The following FGF12 variants were observed in gnomAD, a reference collection of about 807,000 sequenced individuals.
The protein encoded by FGF12 is fibroblast growth factor 12, also known as fibroblast growth factor 12B.
In FGF12, 14 loss-of-function variants were observed where a neutral mutation model predicts 23.6. The observed-to-expected ratio is 0.59, with a 90% CI of 0.39 to 0.93. The LOEUF is 0.93. Among genes scored for constraint, FGF12 ranks in the 40% least tolerant of loss-of-function variants. The probability of loss-of-function intolerance (pLI) is 0.00; values close to 1 mark genes in which losing one functional copy is unlikely to be tolerated. For synonymous variants in FGF12, 62 were observed against 77.3 expected (o/e 0.80, Z 1.04); for missense variants, 175 against 217.8 (o/e 0.80, Z 1.24).
At chr3:192,429,793 GA>G (rs34269435) in intron 2 of FGF12, among the ~76,000 whole-genome samples, 1 of 151,576 alleles carries the variant, frequency 6.6e-6, no homozygotes, top group Non-Finnish European at 1.5e-5. Flanking sequence ...CGCCATTCTG[GA>G]AAAAAAATGC....
intron 4 of FGF12, among the ~76,000 whole-genome samples, chr3:192,187,534 T>C (rs1308391515): frequency 2.0e-5 from 3 of 152,200 alleles, no homozygotes; most frequent in Non-Finnish European, 4.4e-5. Context: ...AACACTTAAA[T>C]CCTGTCCATG....
At chr3:192,293,477 T>C (rs1714872257) in intron 4 of FGF12, among the ~76,000 whole-genome samples, 1 of 152,184 alleles carries the variant, frequency 6.6e-6, no homozygotes, top group South Asian at 2.1e-4. Flanking sequence ...CAAGGCTAAT[T>C]TGATTTAGGG....
At chr3:192,414,519 A>T (rs1721285928) in intron 2 of FGF12, among the ~76,000 whole-genome samples, 1 of 152,210 alleles carries the variant, frequency 6.6e-6, no homozygotes, top group Non-Finnish European at 1.5e-5. Context: ...ACATACATTT[A>T]TGTAACTCTT....
chr3:192,674,164 T>C (rs1717236892), intron 2 of FGF12, among the ~76,000 whole-genome samples: 1 of 137,408 alleles, frequency 7.3e-6, no homozygotes, highest in South Asian at 2.2e-4. Flanking sequence ...GGGGTAGTTA[T>C]TAACCTTGTG....
chr3:192,427,916 AT>A (rs540091009), intron 2 of FGF12, among the ~76,000 whole-genome samples: 335 of 152,298 alleles, frequency 2.2e-3, no homozygotes, highest in Non-Finnish European at 3.9e-3. Context: ...ATCCCTCTTG[AT>A]TTTGTGTTTG....
intron 2 of FGF12, among the ~76,000 whole-genome samples, chr3:192,362,204 A>G (rs1378985078): frequency 6.6e-6 from 1 of 152,100 alleles, no homozygotes; most frequent in East Asian, 1.9e-4. Context: ...TCAGGGACAC[A>G]CTTGGCTAGC....
intron 2 of FGF12, among the ~76,000 whole-genome samples, chr3:192,505,061 G>A (rs887379393): frequency 1.3e-5 from 2 of 152,046 alleles, no homozygotes; most frequent in African/African-American, 4.8e-5. Context: ...TGAGTAGACT[G>A]GTACGTATGG....
intron 2 of FGF12, among the ~76,000 whole-genome samples, chr3:192,670,937 C>T (rs763633227): frequency 1.6e-4 from 25 of 152,198 alleles, no homozygotes; most frequent in Middle Eastern, 6.8e-3. Context: ...AATGGGAGAG[C>T]GATCTGGGCT....
At chr3:192,233,028 C>CT (rs2108586492) in intron 4 of FGF12, among the ~76,000 whole-genome samples, 1 of 152,178 alleles carries the variant, frequency 6.6e-6, no homozygotes, top group East Asian at 1.9e-4. Flanking sequence ...CTATGTGTAT[C>CT]TTTTTGGTAG....
intron 2 of FGF12, among the ~76,000 whole-genome samples, chr3:192,690,212 A>G (rs1030368420): frequency 6.6e-5 from 10 of 152,018 alleles, no homozygotes. Context: ...AACATATGAA[A>G]GCATAAAACT....
intron 4 of FGF12, among the ~76,000 whole-genome samples, chr3:192,253,939 T>C (rs951476682): frequency 6.6e-6 from 1 of 152,120 alleles, no homozygotes; most frequent in Non-Finnish European, 1.5e-5. Flanking sequence ...ATATTTATCA[T>C]GTACAAGATG....
intron 4 of FGF12, among the ~76,000 whole-genome samples, chr3:192,183,256 G>T (rs1330964207): frequency 6.6e-6 from 1 of 152,000 alleles, no homozygotes; most frequent in Non-Finnish European, 1.5e-5. Context: ...AGTAGGCTGA[G>T]ATCTGACATC....
chr3:192,605,563 C>A lies in FGF12; in HGVS notation c.13+121618G>T, dbSNP rs181133308. Among the ~76,000 whole-genome samples the A allele has an allele frequency of 1.9e-3, 290 of 152,188 alleles. 1 individual carries two copies. Among genetic ancestry groups the A allele is most frequent in the South Asian group, 6.6e-3 (32 of 4,820 alleles). ...AACAACAGAGTAAACAGACAACCTA[C>A]AGAAAGGGAGAAAATATTCACAACT... On this transcript the variant is annotated intron_variant, in intron 2 of 5. Transcript: ENST00000445105.
At chr3:192,269,072 G>A (rs748376772) in intron 4 of FGF12, among the ~76,000 whole-genome samples, 9 of 151,782 alleles carry the variant, frequency 5.9e-5, no homozygotes, top group South Asian at 4.2e-4. Flanking sequence ...GTGCCACCAC[G>A]CCTGGCTAAT....
Position 192,589,613 on chromosome 3 carries a change from T to C in FGF12, c.13+137568A>G, listed in dbSNP as rs558162710. Among the ~76,000 whole-genome samples the C allele has an allele frequency of 4.6e-5, 7 of 151,948 alleles. No individual in the cohort carries two copies. In the East Asian group the frequency reaches 1.2e-3, roughly 25 times the overall value. On this transcript the variant is annotated intron_variant, in intron 2 of 5. Coordinates refer to ENST00000445105, the MANE Select transcript of FGF12 (RefSeq NM_004113.6). ...GATGTCTGATATAGAACACCCATTA[T>C]GTAAGTCACACTGAAACCCTATAGG...
At chr3:192,233,470 G>T (rs1338095852) in intron 4 of FGF12, among the ~76,000 whole-genome samples, 1 of 152,052 alleles carries the variant, frequency 6.6e-6, no homozygotes, top group African/African-American at 2.4e-5. Flanking sequence ...TGGATGCATA[G>T]TTTGCAATTT....
At chr3:192,149,461 C>G (rs1346351665) in intron 5 of FGF12, among the ~76,000 whole-genome samples, 1 of 113,912 alleles carries the variant, frequency 8.8e-6, no homozygotes, top group Non-Finnish European at 1.8e-5. Flanking sequence ...CTATCCCTCC[C>G]CCCTCCCCCC....
At chr3:192,655,858 G>T (rs919245893) in intron 2 of FGF12, among the ~76,000 whole-genome samples, 1 of 152,122 alleles carries the variant, frequency 6.6e-6, no homozygotes, top group African/African-American at 2.4e-5. Flanking sequence ...ATGCAATAGA[G>T]ATGGGGGAAT....
At position 192,179,660 on chromosome 3, in the gene FGF12, C is replaced by T. The variant is rs182697868; in HGVS notation, c.229-9004G>A. ...TCCCGGGTTCAAGTGATTCTCATGC[C>T]TCAGCCTCCCAAGTTGCTTGGATTA... On this transcript the variant is annotated intron_variant, in intron 4 of 5. Coordinates refer to ENST00000445105, the MANE Select transcript of FGF12 (RefSeq NM_004113.6). 5.2e-4 allele frequency among the ~76,000 whole-genome samples: 79 copies of T among 151,994 alleles called. 1 individual carries two copies. The highest frequency in any genetic ancestry group is 1.0e-3 in the South Asian group (5 of 4,816).
Sources: gnomAD v4.1 joint callset for allele counts (sites outside exome capture counted in the v4.1 genomes callset) on GRCh38, gnomAD v4.1.1 for gene constraint, MANE v1.5 for transcripts, NCBI Gene and HGNC (gene_info 2026-07-23, HGNC 2026-07-21) for gene names.